The following ADK variants were observed in gnomAD, a reference collection of about 807,000 sequenced individuals.
ADK encodes the protein adenosine kinase.
Under a neutral mutation model 44.7 loss-of-function variants are expected in ADK, and 24 were observed. The observed-to-expected ratio is 0.54, with a 90% CI of 0.39 to 0.76. The LOEUF is 0.76. Among genes scored for constraint, ADK ranks in the 30% least tolerant of loss-of-function variants. The pLI is 0.00. For synonymous variants in ADK, 128 were observed against 142.6 expected, an observed-to-expected ratio of 0.90 and a Z score of 0.73; for missense variants, 321 against 425.1, an observed-to-expected ratio of 0.76 and a Z score of 2.15.
chr10:74,680,440 C>T (rs552058235), intron 10 of ADK, among the ~76,000 whole-genome samples: 1 of 152,012 alleles, frequency 6.6e-6, no homozygotes, highest in East Asian at 1.9e-4. Flanking sequence ...ATAAAAGTTC[C>T]AGGAAGAAAC....
At chr10:74,361,453 A>G (rs1003966702) in intron 4 of ADK, among the ~76,000 whole-genome samples, 5 of 152,190 alleles carry the variant, frequency 3.3e-5, no homozygotes, top group Non-Finnish European at 5.9e-5. Context: ...AGTTATAGCA[A>G]GTATTTAAAA....
In ADK at chr10:74,243,337, C is replaced by T. The variant is rs76101700; in HGVS notation, c.194+18746C>T. 2.1e-4 allele frequency among the ~76,000 whole-genome samples: 32 copies of T among 152,320 alleles called. No individual in the cohort carries two copies. In the East Asian group the frequency reaches 5.0e-3, roughly 24 times the overall value. ...GAGCGCTGTGGCGTGAGTAAACTGT[C>T]GCCCTTGTTGCAAGTCCAATGAAGG... On this transcript the variant is annotated intron_variant, in intron 3 of 10. Coordinates refer to ENST00000539909, the MANE Select transcript of ADK (RefSeq NM_006721.4).
At chr10:74,640,751 A>G (rs1479595237) in intron 9 of ADK, among the ~76,000 whole-genome samples, 1 of 151,962 alleles carries the variant, frequency 6.6e-6, no homozygotes, top group Non-Finnish European at 1.5e-5. Flanking sequence ...TTCCAATAAA[A>G]CTCTATTTAT....
At chr10:74,368,753 C>T (rs1305613404) in intron 4 of ADK, among the ~76,000 whole-genome samples, 1 of 152,008 alleles carries the variant, frequency 6.6e-6, no homozygotes, top group African/African-American at 2.4e-5. Flanking sequence ...CCTCAGCTTC[C>T]CAAGTAGCTG....
chr10:74,579,148 C>T (rs958755997), intron 7 of ADK, among the ~76,000 whole-genome samples: 1 of 151,476 alleles, frequency 6.6e-6, no homozygotes, highest in Non-Finnish European at 1.5e-5. Context: ...GCATGAGAAT[C>T]GCTTGAACCG....
At chr10:74,542,727 CA>C (rs1482679259) in intron 7 of ADK, among the ~76,000 whole-genome samples, 7 of 152,116 alleles carry the variant, frequency 4.6e-5, no homozygotes, top group Non-Finnish European at 7.4e-5. Context: ...CACAAATTAG[CA>C]GCTAAATGCA....
At chr10:74,464,354 C>G (rs1205775076) in intron 6 of ADK, among the ~76,000 whole-genome samples, 1 of 151,850 alleles carries the variant, frequency 6.6e-6, no homozygotes, top group East Asian at 1.9e-4. Flanking sequence ...CAAGACCAGC[C>G]TGGGCAACAT....
chr10:74,631,501 AC>A, intron 9 of ADK, among the ~76,000 whole-genome samples: 1 of 150,090 alleles, frequency 6.7e-6, no homozygotes, highest in Non-Finnish European at 1.5e-5. Context: ...CAGGTGATCC[AC>A]CCGCCTCAGC....
chr10:74,581,189 TATA>T (rs1429142383), intron 7 of ADK, among the ~76,000 whole-genome samples: 2 of 152,102 alleles, frequency 1.3e-5, no homozygotes, highest in African/African-American at 4.8e-5. Context: ...CATTTCTAAA[TATA>T]TTATGTATTT....
At chr10:74,551,088 C>T (rs1589240097) in intron 7 of ADK, among the ~76,000 whole-genome samples, 2 of 152,224 alleles carry the variant, frequency 1.3e-5, no homozygotes, top group South Asian at 4.1e-4. Flanking sequence ...GTGGTACTGA[C>T]TCAAGGATGT....
intron 9 of ADK, among the ~76,000 whole-genome samples, chr10:74,639,639 C>A (rs1853763226): frequency 6.6e-6 from 1 of 152,148 alleles, no homozygotes; most frequent in African/African-American, 2.4e-5. Flanking sequence ...GAGTTCCAGA[C>A]CAGCCTGGCC....
At chr10:74,312,666 G>A (rs1840475825) in intron 3 of ADK, among the ~76,000 whole-genome samples, 1 of 151,254 alleles carries the variant, frequency 6.6e-6, no homozygotes, top group Admixed American at 6.6e-5. Flanking sequence ...TAGCACTTTG[G>A]GAGGCTGAGG....
chr10:74,411,507 G>A (rs955553906), intron 6 of ADK, among the ~76,000 whole-genome samples: 4 of 152,172 alleles, frequency 2.6e-5, no homozygotes, highest in Non-Finnish European at 4.4e-5. Flanking sequence ...GTGTGTGGTA[G>A]CATTACATCT....
At chr10:74,400,423 T>G (rs1305734892) in intron 6 of ADK, among the ~76,000 whole-genome samples, 1 of 152,190 alleles carries the variant, frequency 6.6e-6, no homozygotes. Context: ...AACAAATATT[T>G]ACTTGGTGAA....
chr10:74,699,079 A>G (rs1856312565), intron 10 of ADK, among the ~76,000 whole-genome samples: 1 of 150,142 alleles, frequency 6.7e-6, no homozygotes, highest in Admixed American at 6.6e-5. Flanking sequence ...CCTGGGCTCA[A>G]ATGATTCTCC....
At chr10:74,322,760 C>T (rs759864892) in intron 4 of ADK, among the ~76,000 whole-genome samples, 3 of 151,130 alleles carry the variant, frequency 2.0e-5, no homozygotes, top group African/African-American at 4.9e-5. Context: ...CCCTTTACCC[C>T]TCCTCTCCCC....
chr10:74,407,473 A>G lies in ADK; in HGVS notation c.555+8894A>G, dbSNP rs370166771. 2.3e-4 allele frequency among the ~76,000 whole-genome samples: 35 copies of G among 152,238 alleles called. 1 individual carries two copies. The highest frequency in any genetic ancestry group is 6.8e-3 in the Middle Eastern group (2 of 294). The stretch of plus-strand genomic sequence containing the variant: ...TGTTATAACAATTGTTTTAATATTC[A>G]TGTCTACTAATTCTGTCACTTTTTT... On this transcript the variant is annotated intron_variant, in intron 6 of 10. Transcript: ENST00000539909.
chr10:74,260,039 A>G (rs1845984496), intron 3 of ADK, among the ~76,000 whole-genome samples: 4 of 151,874 alleles, frequency 2.6e-5, no homozygotes, highest in Admixed American at 2.0e-4. Context: ...CTGACCCATT[A>G]TAGCTTTGGC....
At chr10:74,661,761 G>A (rs757800783) in intron 9 of ADK, among the ~76,000 whole-genome samples, 35 of 152,090 alleles carry the variant, frequency 2.3e-4, no homozygotes, top group African/African-American at 6.5e-4. Flanking sequence ...AGCATCTCCA[G>A]TTAAACTATA....
Sources: allele counts gnomAD v4.1 joint callset (sites outside exome capture counted in the v4.1 genomes callset), GRCh38; gene constraint gnomAD v4.1.1; transcripts MANE v1.5; gene names NCBI Gene and HGNC (gene_info 2026-07-23, HGNC 2026-07-21).